PRDM11: variants seen among roughly 807,000 people sequenced by gnomAD.
PRDM11 encodes PR/SET domain 11.
Under a neutral mutation model 97.8 loss-of-function variants are expected in PRDM11, and 20 were observed. That is an observed-to-expected ratio of 0.20 (90% CI 0.14 to 0.30). The LOEUF (loss-of-function observed/expected upper bound fraction) is 0.30. Ranked by LOEUF, PRDM11 falls within the 10% of genes least tolerant of loss-of-function variation. PRDM11 has a pLI of 1.00. For synonymous variants in PRDM11, 599 were observed against 637.7 expected (o/e 0.94, Z 0.91); for missense variants, 1,139 against 1,555.2 (o/e 0.73, Z 4.50).
Position 45,133,313 on chromosome 11 carries a change from T to G in PRDM11, c.96+37412T>G, listed in dbSNP as rs553438024. On this transcript the variant is annotated intron_variant, in intron 1 of 6. Coordinates refer to the PRDM11 transcript ENST00000530656. ...CATAAGTGACTCCTATCATGAAATC[T>G]GAGGAAATCCTTAAGTTCTTATCTT... 7.9e-5 allele frequency among the ~76,000 whole-genome samples: 12 copies of G among 152,348 alleles called. No individual in the cohort carries two copies. In the South Asian group the frequency reaches 2.5e-3, roughly 32 times the overall value.
intron 5 of PRDM11, chr11:45,212,925 C>T (rs764858922): frequency 1.5e-5 from 6 of 409,282 alleles, no homozygotes; most frequent in African/African-American, 2.0e-5. Flanking sequence ...GCAGACCCTA[C>T]GGGCTCCACT....
intron 1 of PRDM11, among the ~76,000 whole-genome samples, chr11:45,148,023 C>G (rs1320356358): frequency 6.6e-6 from 1 of 152,102 alleles, no homozygotes; most frequent in Non-Finnish European, 1.5e-5. Flanking sequence ...GCCCACATTT[C>G]CTCTTGGGAG....
chr11:45,168,732 A>G (rs1481572080), intron 1 of PRDM11, among the ~76,000 whole-genome samples: 2 of 152,170 alleles, frequency 1.3e-5, no homozygotes, highest in African/African-American at 4.8e-5. Flanking sequence ...CTAGACGAGG[A>G]CACACTGGGT....
intron 4 of PRDM11, among the ~76,000 whole-genome samples, chr11:45,190,711 A>G (rs185741168): frequency 1.3e-5 from 2 of 152,292 alleles, no homozygotes; most frequent in African/African-American, 2.4e-5. Flanking sequence ...GAGTGTTGCT[A>G]TGTTTCAATA....
At chr11:45,157,190 G>A (rs1851818967) in intron 1 of PRDM11, among the ~76,000 whole-genome samples, 1 of 152,090 alleles carries the variant, frequency 6.6e-6, no homozygotes, top group Non-Finnish European at 1.5e-5. Context: ...CCAACCTTTG[G>A]GGCACAAGGG....
intron 1 of PRDM11, among the ~76,000 whole-genome samples, chr11:45,122,190 GACACACACACAGAC>G (rs1216365784): frequency 1.8e-4 from 23 of 127,066 alleles, no homozygotes; most frequent in Admixed American, 1.2e-3. Flanking sequence ...GACACAGACA[GACACACACACAGAC>G]ACACACACAC....
chr11:45,112,000 T>C (rs917291036), intron 1 of PRDM11, among the ~76,000 whole-genome samples: 1 of 152,194 alleles, frequency 6.6e-6, no homozygotes, highest in Non-Finnish European at 1.5e-5. Flanking sequence ...TTTGATTACA[T>C]GAATAACTTC....
intron 1 of PRDM11, among the ~76,000 whole-genome samples, chr11:45,106,641 C>T (rs1334127174): frequency 1.3e-5 from 2 of 152,158 alleles, no homozygotes; most frequent in Non-Finnish European, 2.9e-5. Flanking sequence ...GGCAGGAACC[C>T]TCTGGTGGGC....
chr11:45,180,131 G>T (rs1222523556), intron 1 of PRDM11, among the ~76,000 whole-genome samples: 1 of 152,250 alleles, frequency 6.6e-6, no homozygotes, highest in East Asian at 1.9e-4. Flanking sequence ...AGCAGCCATC[G>T]GGTGTGGTCT....
chr11:45,200,319 T>G (rs1036313413), intron 4 of PRDM11, among the ~76,000 whole-genome samples: 1 of 152,196 alleles, frequency 6.6e-6, no homozygotes, highest in Admixed American at 6.5e-5. Context: ...CAACTCAGTG[T>G]TGAACCACAG....
intron 1 of PRDM11, among the ~76,000 whole-genome samples, chr11:45,129,369 C>A (rs1852666918): frequency 6.6e-6 from 1 of 152,100 alleles, no homozygotes; most frequent in Non-Finnish European, 1.5e-5. Flanking sequence ...TATTTGCTCA[C>A]ATACATGGTG....
rs1002911901 is a variant in PRDM11, at chr11:45,226,878, G to A, written c.2253G>A (p.Thr751=). The A allele has an allele frequency of 4.8e-5, 73 of 1,533,794 alleles. No homozygotes were observed. The highest frequency in any genetic ancestry group is 1.6e-4 in the African/African-American group (12 of 72,950). Residue 751 remains threonine (T), a synonymous_variant, in exon 8 of 8, where the codon ACG becomes ACA. Transcript: ENST00000683152. The part of the protein sequence containing the change: ...RASMFMTIRK[T]LPWLLCLPFM... ...GCATGTTCATGACCATCCGCAAGAC[G>A]CTGCCCTGGCTGCTGTGCCTGCCCT...
intron 5 of PRDM11, chr11:45,213,269 C>T: frequency 2.2e-6 from 1 of 456,554 alleles, no homozygotes; most frequent in Non-Finnish European, 4.4e-6. Context: ...AGAAAAGCCA[C>T]CTGCTTGATG....
intron 1 of PRDM11, among the ~76,000 whole-genome samples, chr11:45,135,085 A>C (rs1395245424): frequency 1.3e-5 from 2 of 152,102 alleles, no homozygotes; most frequent in African/African-American, 4.8e-5. Flanking sequence ...TGGGCAACAT[A>C]GTGAGACCCC....
rs1417492026 is a variant in PRDM11 at position 45,230,146 on chromosome 11, T to G, written c.*1987T>G. The G allele has an allele frequency of 6.7e-6, 1 of 149,856 alleles. No individual in the cohort carries two copies. The highest frequency in any genetic ancestry group is 1.5e-5 in the Non-Finnish European group (1 of 67,570). 9.3% of individuals were successfully genotyped at this position (149,856 alleles called of 1,614,324 possible). A position where few individuals can be genotyped will look rare whatever the true frequency, so the allele number is the denominator to read the frequency against. ...AATATATTATATATATTATATATTA[T>G]TTTTGAAATATTTTTGTTTGTTTTC... On this transcript the variant is annotated 3_prime_UTR_variant, in exon 8 of 8. Transcript: ENST00000683152.
At chr11:45,157,309 AT>A (rs796606555) in intron 1 of PRDM11, among the ~76,000 whole-genome samples, 20 of 152,088 alleles carry the variant, frequency 1.3e-4, no homozygotes, top group African/African-American at 4.6e-4. Flanking sequence ...ATCATCAGGC[AT>A]TCGTTCAATT....
At chr11:45,224,025 G>T (rs771544261) in intron 6 of PRDM11, among the ~76,000 whole-genome samples, 192 bp from the exon 7 acceptor site, 1 of 152,162 alleles carries the variant, frequency 6.6e-6, no homozygotes, top group Non-Finnish European at 1.5e-5. Context: ...TCTTTCCACC[G>T]TTCAGGTCCT....
At chr11:45,107,350 G>A (rs537239648) in intron 1 of PRDM11, among the ~76,000 whole-genome samples, 2 of 152,312 alleles carry the variant, frequency 1.3e-5, no homozygotes, top group South Asian at 4.1e-4. Flanking sequence ...ATAGTTCAAT[G>A]AGTCATAGCC....
chr11:45,156,009 A>G (rs1208862950), intron 1 of PRDM11, among the ~76,000 whole-genome samples: 6 of 152,210 alleles, frequency 3.9e-5, no homozygotes, highest in Non-Finnish European at 8.8e-5. Context: ...TCACACAGCT[A>G]TGAAAGGCTG....
Sources: allele counts gnomAD v4.1 joint callset (sites outside exome capture counted in the v4.1 genomes callset), GRCh38; gene constraint gnomAD v4.1.1; transcripts MANE v1.5; gene names NCBI Gene and HGNC (gene_info 2026-07-23, HGNC 2026-07-21).